ITGA8: variants seen among roughly 807,000 people sequenced by gnomAD.
ITGA8 encodes integrin subunit alpha 8.
In ITGA8, 91 loss-of-function variants were observed where a neutral mutation model predicts 142.3. The observed-to-expected ratio is 0.64, with a 90% CI of 0.54 to 0.76. The LOEUF (loss-of-function observed/expected upper bound fraction) is 0.76. Among genes scored for constraint, ITGA8 ranks in the 30% least tolerant of loss-of-function variants. ITGA8 has a pLI of 0.00. For missense variants in ITGA8, 1,406 were observed against 1,327.7 expected (o/e 1.06, Z -0.92); for synonymous variants, 505 against 485.2 (o/e 1.04, Z -0.54).
At position 15,607,777 on chromosome 10, in the gene ITGA8, CGTTTAATAGCTCCTTTCT is replaced by C. The variant is rs1833222558; in HGVS notation, c.1646_1663del (p.Gln549_Lys554del). ...CTGATGGTTATCAAGGAAGAGCGTCCGTTTAATAGCTCCTTTCTGTTTCAGGGAATCTAATTGCACCTC... is the reference window on the plus strand; with the variant it reads ...CTGATGGTTATCAAGGAAGAGCGTCCGTTTCAGGGAATCTAATTGCACCTC... On this transcript the variant is annotated inframe_deletion, in exon 17 of 30. Coordinates refer to ENST00000378076, the MANE Select transcript of ITGA8 (RefSeq NM_003638.3). The C allele has an allele frequency of 6.2e-7, 1 of 1,610,850 alleles. No homozygotes were observed. The highest frequency in any genetic ancestry group is 1.3e-5 in the African/African-American group (1 of 74,238).
At chr10:15,536,562 C>G (rs1029380864) in intron 27 of ITGA8, among the ~76,000 whole-genome samples, 10 of 152,182 alleles carry the variant, frequency 6.6e-5, no homozygotes, top group East Asian at 1.9e-4. Flanking sequence ...AATATAACCT[C>G]TCTCCCATAT....
chr10:15,713,086 G>T (rs1835390345), intron 2 of ITGA8, among the ~76,000 whole-genome samples: 1 of 152,150 alleles, frequency 6.6e-6, no homozygotes, highest in South Asian at 2.1e-4. Context: ...TGGGCTGTAG[G>T]GACCGCTGCC....
intron 25 of ITGA8, among the ~76,000 whole-genome samples, chr10:15,561,427 C>A (rs1276959796): frequency 6.6e-6 from 1 of 151,290 alleles, no homozygotes; most frequent in Non-Finnish European, 1.5e-5. Context: ...AAATCATGAA[C>A]AATGTACAAA....
chr10:15,528,314 C>G (rs1833217880), intron 28 of ITGA8, among the ~76,000 whole-genome samples: 1 of 152,116 alleles, frequency 6.6e-6, no homozygotes, highest in African/African-American at 2.4e-5. Flanking sequence ...CAGCTCCACT[C>G]AGAGTTCTTC....
intron 26 of ITGA8, among the ~76,000 whole-genome samples, chr10:15,556,937 T>C (rs959163846): frequency 6.6e-6 from 1 of 152,228 alleles, no homozygotes; most frequent in Non-Finnish European, 1.5e-5. Context: ...AGCTTCCTAC[T>C]TTTTATGGAC....
chr10:15,554,564 C>A (rs1013294331), intron 26 of ITGA8, among the ~76,000 whole-genome samples: 2 of 152,178 alleles, frequency 1.3e-5, no homozygotes, highest in Non-Finnish European at 2.9e-5. Flanking sequence ...CACACACTTG[C>A]ACATATGCAC....
chr10:15,619,296 T>A (rs991016070), intron 13 of ITGA8, among the ~76,000 whole-genome samples: 6 of 150,454 alleles, frequency 4.0e-5, no homozygotes, highest in Non-Finnish European at 8.8e-5. Context: ...TTGTTAAAAT[T>A]TAAAAAAAAA....
intron 2 of ITGA8, among the ~76,000 whole-genome samples, chr10:15,716,810 A>G (rs1835462551): frequency 6.6e-6 from 1 of 151,576 alleles, no homozygotes; most frequent in African/African-American, 2.4e-5. Flanking sequence ...AGCTGGGATT[A>G]CACCCTTAGG....
chr10:15,607,890 G>T, intron 16 of ITGA8, 59 bp from the exon 17 acceptor site: 1 of 1,401,030 alleles, frequency 7.1e-7, no homozygotes, highest in South Asian at 1.2e-5. Flanking sequence ...CTCTATCAGA[G>T]AGATGAATTT....
intron 12 of ITGA8, among the ~76,000 whole-genome samples, chr10:15,646,069 T>A (rs967433476): frequency 1.3e-5 from 2 of 152,188 alleles, no homozygotes; most frequent in East Asian, 3.9e-4. Flanking sequence ...ATAGAAGGTT[T>A]CCTAGTTACC....
At chr10:15,644,739 T>G (rs1018597209) in intron 12 of ITGA8, among the ~76,000 whole-genome samples, 7 of 151,670 alleles carry the variant, frequency 4.6e-5, no homozygotes, top group African/African-American at 1.7e-4. Flanking sequence ...ATGAAAATTC[T>G]GTAGTACTGC....
At chr10:15,664,739 T>G in intron 8 of ITGA8, among the ~76,000 whole-genome samples, 1 of 148,446 alleles carries the variant, frequency 6.7e-6, no homozygotes, top group Non-Finnish European at 1.5e-5. Flanking sequence ...ATTGTTCAAT[T>G]CCCACCTATG....
chr10:15,579,166 T>C (rs1197874137), intron 23 of ITGA8, among the ~76,000 whole-genome samples: 1 of 152,102 alleles, frequency 6.6e-6, no homozygotes, highest in East Asian at 1.9e-4. Flanking sequence ...TTTTGCTGCA[T>C]ATTTGCAGGA....
intron 28 of ITGA8, among the ~76,000 whole-genome samples, chr10:15,526,121 T>C (rs1415153809): frequency 6.6e-6 from 1 of 152,188 alleles, no homozygotes; most frequent in South Asian, 2.1e-4. Flanking sequence ...TAGAACATTC[T>C]GTATAATTTC....
At chr10:15,548,700 C>G in intron 26 of ITGA8, 132 bp from the exon 27 acceptor site, 1 of 549,800 alleles carries the variant, frequency 1.8e-6, no homozygotes, top group Non-Finnish European at 3.1e-6. Flanking sequence ...AAATAAAGAA[C>G]AATATATTGC....
In ITGA8 at chr10:15,530,322, C is replaced by T. The variant is rs144030920; in HGVS notation, c.2982+728G>A. On this transcript the variant is annotated intron_variant, in intron 28 of 29. Coordinates refer to ENST00000378076, the MANE Select transcript of ITGA8 (RefSeq NM_003638.3). ...CAGCACTTTCGGAGGCTGAGGCGGG[C>T]GGATCACAAGTTCAGGAGTTCGAGA... 2.4e-4 allele frequency among the ~76,000 whole-genome samples: 37 copies of T among 151,954 alleles called. No homozygotes were observed. In the East Asian group the frequency reaches 4.1e-3, roughly 17 times the overall value.
intron 20 of ITGA8, among the ~76,000 whole-genome samples, chr10:15,600,331 C>T (rs1833082458): frequency 6.6e-6 from 1 of 152,124 alleles, no homozygotes; most frequent in African/African-American, 2.4e-5. Context: ...TGTTAGCCAC[C>T]TCAATTATTA....
intron 6 of ITGA8, among the ~76,000 whole-genome samples, chr10:15,673,869 G>A (rs1834576203): frequency 6.6e-6 from 1 of 152,132 alleles, no homozygotes; most frequent in Non-Finnish European, 1.5e-5. Context: ...CGATTGCCTT[G>A]GGGTAGACAA....
rs146543192 is a variant in ITGA8 at position 15,708,178 on chromosome 10, C to T, written c.343+10588G>A. Among the ~76,000 whole-genome samples, 683 of 152,270 alleles carry T rather than the reference C, an allele frequency of 4.5e-3. 5 individuals carry two copies. Among genetic ancestry groups the T allele is most frequent in the African/African-American group, 0.016 (658 of 41,546 alleles). On this transcript the variant is annotated intron_variant, in intron 2 of 29. Coordinates refer to ENST00000378076, the MANE Select transcript of ITGA8 (RefSeq NM_003638.3). Reference sequence around the variant, plus strand: ...CCCTGAAATTTAATTTTACCATTTGCTAATGCTAAGCTTTATTTTCAACTC... The same window carrying T: ...CCCTGAAATTTAATTTTACCATTTGTTAATGCTAAGCTTTATTTTCAACTC...
Sources: gnomAD v4.1 joint callset for allele counts (sites outside exome capture counted in the v4.1 genomes callset) on GRCh38, gnomAD v4.1.1 for gene constraint, MANE v1.5 for transcripts, NCBI Gene and HGNC (gene_info 2026-07-23, HGNC 2026-07-21) for gene names.